The following GALNTL6 variants were observed in gnomAD, a reference collection of about 807,000 sequenced individuals.
GALNTL6 encodes polypeptide N-acetylgalactosaminyltransferase-like 6.
A neutral mutation model predicts 73.7 loss-of-function variants in GALNTL6; 46 were observed. That is an observed-to-expected ratio of 0.62 (90% CI 0.49 to 0.80). GALNTL6 has a LOEUF of 0.80. GALNTL6 is among the 30% of genes least tolerant of loss of function. The pLI, the probability that GALNTL6 is intolerant of heterozygous loss-of-function variation, is 0.00. For missense variants in GALNTL6, 604 were observed against 755.0 expected (o/e 0.80, Z 2.34); for synonymous variants, 259 against 263.7 (o/e 0.98, Z 0.17).
intron 5 of GALNTL6, among the ~76,000 whole-genome samples, chr4:172,468,980 C>G (rs1732939541): frequency 6.6e-6 from 1 of 152,146 alleles, no homozygotes; most frequent in Non-Finnish European, 1.5e-5. Context: ...ATTATTATTA[C>G]TATTTTTATG....
intron 2 of GALNTL6, among the ~76,000 whole-genome samples, chr4:172,136,707 A>G (rs1049619521): frequency 6.6e-6 from 1 of 151,812 alleles, no homozygotes; most frequent in Admixed American, 6.6e-5. Context: ...CATATAGAAT[A>G]CTTGCATATA....
intron 3 of GALNTL6, among the ~76,000 whole-genome samples, chr4:172,237,460 G>A (rs1273738353): frequency 6.6e-6 from 1 of 152,082 alleles, no homozygotes; most frequent in African/African-American, 2.4e-5. Flanking sequence ...GTTAAAGTGT[G>A]TAAGTTCCTT....
intron 2 of GALNTL6, among the ~76,000 whole-genome samples, chr4:171,940,858 AATAAATAT>A (rs1206220423): frequency 4.9e-5 from 7 of 143,726 alleles, no homozygotes; most frequent in Non-Finnish European, 1.0e-4. Flanking sequence ...TAAATAAATA[AATAAATAT>A]ATAAGTCATG....
chr4:171,937,922 G>T (rs1332715992), intron 2 of GALNTL6, among the ~76,000 whole-genome samples: 1 of 152,100 alleles, frequency 6.6e-6, no homozygotes, highest in Admixed American at 6.6e-5. Context: ...CCGTGAATCT[G>T]TAAATTAGAT....
At chr4:172,403,302 T>A (rs1508259) in intron 5 of GALNTL6, among the ~76,000 whole-genome samples, 33,325 of 151,802 alleles carry the variant, frequency 0.22, 3,932 homozygotes, top group East Asian at 0.36. Flanking sequence ...TAGCAAAGAG[T>A]TATATAACCC....
chr4:171,902,999 A>T (rs1297765096), intron 2 of GALNTL6, among the ~76,000 whole-genome samples: 1 of 152,186 alleles, frequency 6.6e-6, no homozygotes, highest in African/African-American at 2.4e-5. Context: ...CATTACAATC[A>T]TTACAGCTAT....
chr4:172,906,787 G>A (rs1481931591), intron 8 of GALNTL6, among the ~76,000 whole-genome samples: 2 of 152,310 alleles, frequency 1.3e-5, no homozygotes, highest in South Asian at 2.1e-4. Flanking sequence ...CTTCTTCAAG[G>A]CCAGCAGGAG....
intron 2 of GALNTL6, among the ~76,000 whole-genome samples, chr4:171,886,067 A>T (rs900008597): frequency 1.3e-5 from 2 of 152,128 alleles, no homozygotes; most frequent in African/African-American, 4.8e-5. Flanking sequence ...TTTTAACCAC[A>T]TAAAGTTGCT....
chr4:172,203,204 T>C (rs1362453247), intron 2 of GALNTL6, among the ~76,000 whole-genome samples: 2 of 152,150 alleles, frequency 1.3e-5, no homozygotes, highest in Non-Finnish European at 2.9e-5. Flanking sequence ...TATAGCTATA[T>C]TGGTTATGTT....
At chr4:172,399,074 T>A (rs184567787) in intron 5 of GALNTL6, among the ~76,000 whole-genome samples, 1 of 152,244 alleles carries the variant, frequency 6.6e-6, no homozygotes, top group Non-Finnish European at 1.5e-5. Flanking sequence ...CTACTACTTT[T>A]TACCTGGTCA....
At chr4:172,662,580 T>C (rs1391619000) in intron 5 of GALNTL6, among the ~76,000 whole-genome samples, 1 of 152,236 alleles carries the variant, frequency 6.6e-6, no homozygotes, top group Non-Finnish European at 1.5e-5. Context: ...AGCAGTAAAC[T>C]GCATCATACT....
At chr4:172,200,789 G>A (rs1219941219) in intron 2 of GALNTL6, among the ~76,000 whole-genome samples, 3 of 152,164 alleles carry the variant, frequency 2.0e-5, no homozygotes, top group Non-Finnish European at 4.4e-5. Flanking sequence ...AATAACATAA[G>A]TAGTAACACG....
At chr4:172,380,261 C>T (rs1743230842) in intron 5 of GALNTL6, 4 of 858,976 alleles carry the variant, frequency 4.7e-6, no homozygotes, top group Non-Finnish European at 8.0e-6. Context: ...ATTAGGATGA[C>T]AAATTTTGGT....
intron 8 of GALNTL6, among the ~76,000 whole-genome samples, chr4:172,907,024 T>C (rs1397425049): frequency 2.0e-5 from 3 of 152,120 alleles, no homozygotes; most frequent in Non-Finnish European, 2.9e-5. Context: ...AAGGAGATGA[T>C]ACAAGGGCAT....
intron 2 of GALNTL6, among the ~76,000 whole-genome samples, chr4:172,176,355 A>AAAAAAAAAAAAAAAAAAAAAC (rs1321060159): frequency 6.7e-6 from 1 of 149,514 alleles, no homozygotes; most frequent in Admixed American, 6.7e-5. Flanking sequence ...AAAAAAAAAA[A>AAAAAAAAAAAAAAAAAAAAAC]AGAGTGTATT....
At chr4:172,479,139 T>A (rs975908715) in intron 5 of GALNTL6, among the ~76,000 whole-genome samples, 1 of 152,152 alleles carries the variant, frequency 6.6e-6, no homozygotes, top group African/African-American at 2.4e-5. Flanking sequence ...GCTCTACTGT[T>A]CCATCCGGGA....
chr4:172,414,832 G>T (rs189679052), intron 5 of GALNTL6, among the ~76,000 whole-genome samples: 90 of 152,204 alleles, frequency 5.9e-4, no homozygotes, highest in African/African-American at 1.8e-3. Flanking sequence ...GGGTTTTGTT[G>T]TTGTTGTTGC....
At chr4:172,761,281 C>T (rs539668369) in intron 5 of GALNTL6, among the ~76,000 whole-genome samples, 1 of 152,234 alleles carries the variant, frequency 6.6e-6, no homozygotes, top group South Asian at 2.1e-4. Context: ...AGGATGTATA[C>T]TACTGTGTGT....
At chr4:172,087,722 T>G (rs181770192) in intron 2 of GALNTL6, among the ~76,000 whole-genome samples, 1 of 145,724 alleles carries the variant, frequency 6.9e-6, no homozygotes, top group East Asian at 2.0e-4. Context: ...TCTGTAAAGG[T>G]CCCCCTCAAA....
Sources: gnomAD v4.1 joint callset for allele counts (sites outside exome capture counted in the v4.1 genomes callset) on GRCh38, gnomAD v4.1.1 for gene constraint, MANE v1.5 for transcripts, NCBI Gene and HGNC (gene_info 2026-07-23, HGNC 2026-07-21) for gene names.